ZFAND3: variants seen among roughly 807,000 people sequenced by gnomAD.
The protein encoded by ZFAND3 is AN1-type zinc finger protein 3.
Under a neutral mutation model 29.6 loss-of-function variants are expected in ZFAND3, and 10 were observed. That is an observed-to-expected ratio of 0.34 (90% CI 0.21 to 0.57). The LOEUF (loss-of-function observed/expected upper bound fraction) is 0.57. Among genes scored for constraint, ZFAND3 ranks in the 20% least tolerant of loss-of-function variants. The pLI is 0.86. For synonymous variants in ZFAND3, 128 were observed against 112.6 expected (o/e 1.14, Z -0.87); for missense variants, 230 against 304.5 (o/e 0.76, Z 1.82).
At chr6:37,852,891 T>C (rs1764309086) in intron 1 of ZFAND3, among the ~76,000 whole-genome samples, 2 of 152,002 alleles carry the variant, frequency 1.3e-5, no homozygotes, top group Admixed American at 1.3e-4. Flanking sequence ...TTTATGTATA[T>C]TTCTTAAATT....
rs946794183 is a variant in ZFAND3 at position 37,873,061 on chromosome 6, A to G, written c.71+53045A>G. 3.9e-5 allele frequency among the ~76,000 whole-genome samples: 6 copies of G among 152,302 alleles called. No homozygotes were observed. The Middle Eastern group carries it at 0.01, about 259-fold the overall frequency. ...ATCACGAGGTCAGGAGATCGAGACC[A>G]TCTTGGCTAACACGGTGAAACACCT... On this transcript the variant is annotated intron_variant, in intron 1 of 5. Coordinates refer to ENST00000287218, the MANE Select transcript of ZFAND3 (RefSeq NM_021943.3).
At chr6:38,051,680 G>T (rs750526401) in intron 2 of ZFAND3, among the ~76,000 whole-genome samples, 6 of 152,096 alleles carry the variant, frequency 3.9e-5, no homozygotes, top group Non-Finnish European at 4.4e-5. Context: ...TAATTTTGAT[G>T]GCTGAACTGT....
At chr6:38,041,919 C>T (rs1763796971) in intron 2 of ZFAND3, among the ~76,000 whole-genome samples, 1 of 148,916 alleles carries the variant, frequency 6.7e-6, no homozygotes, top group African/African-American at 2.5e-5. Flanking sequence ...TCACCGCAGC[C>T]TCTGCCTCCC....
chr6:37,829,537 A>AAAATG (rs1370402910), intron 1 of ZFAND3, among the ~76,000 whole-genome samples: 2 of 152,250 alleles, frequency 1.3e-5, no homozygotes, highest in East Asian at 3.8e-4. Context: ...TCCGGCTCGA[A>AAAATG]AAATGAAATG....
intron 2 of ZFAND3, among the ~76,000 whole-genome samples, chr6:37,952,695 C>G (rs1350083020): frequency 6.6e-6 from 1 of 152,030 alleles, no homozygotes; most frequent in African/African-American, 2.4e-5. Context: ...GATTCTAGGT[C>G]CATAGTGAGA....
chr6:38,098,504 CT>C (rs199755000), intron 4 of ZFAND3, among the ~76,000 whole-genome samples: 16,151 of 143,554 alleles, frequency 0.11, 990 homozygotes, highest in East Asian at 0.29. Flanking sequence ...TATTGCCCAT[CT>C]TTTTTTTTTT....
intron 4 of ZFAND3, among the ~76,000 whole-genome samples, chr6:38,095,863 G>A (rs768251590): frequency 4.0e-5 from 6 of 151,792 alleles, no homozygotes; most frequent in Non-Finnish European, 5.9e-5. Flanking sequence ...GAGGCTTTGT[G>A]TCTACAATCA....
chr6:38,125,104 GGTAAC>G (rs1765610838), intron 5 of ZFAND3, among the ~76,000 whole-genome samples: 1 of 152,088 alleles, frequency 6.6e-6, no homozygotes, highest in Non-Finnish European at 1.5e-5. Context: ...GAGAGCTAAG[GGTAAC>G]TAGAAATCTT....
At chr6:38,057,442 GC>G (rs992664434) in intron 2 of ZFAND3, among the ~76,000 whole-genome samples, 1 of 152,238 alleles carries the variant, frequency 6.6e-6, no homozygotes, top group Admixed American at 6.5e-5. Flanking sequence ...CTTACTTAGT[GC>G]CCCTTTCTTT....
chr6:38,079,697 G>A (rs1764623453), intron 3 of ZFAND3, among the ~76,000 whole-genome samples: 1 of 152,164 alleles, frequency 6.6e-6, no homozygotes, highest in South Asian at 2.1e-4. Flanking sequence ...AGCTCATGGT[G>A]TTATGGGAAC....
intron 1 of ZFAND3, among the ~76,000 whole-genome samples, chr6:37,921,169 CA>C (rs1417550713): frequency 1.3e-5 from 2 of 152,076 alleles, no homozygotes; most frequent in African/African-American, 4.8e-5. Flanking sequence ...AGGTTGAATT[CA>C]GAAATGTGAC....
At chr6:37,864,410 A>G (rs886913629) in intron 1 of ZFAND3, among the ~76,000 whole-genome samples, 1 of 152,122 alleles carries the variant, frequency 6.6e-6, no homozygotes, top group African/African-American at 2.4e-5. Context: ...TGTGTAGACA[A>G]TTTCCCTTTA....
At chr6:38,004,446 C>T (rs954913670) in intron 2 of ZFAND3, among the ~76,000 whole-genome samples, 12 of 148,968 alleles carry the variant, frequency 8.1e-5, no homozygotes, top group African/African-American at 2.5e-5. Flanking sequence ...CCCTTCCCCT[C>T]TCCCCCTTCC....
intron 3 of ZFAND3, among the ~76,000 whole-genome samples, chr6:38,072,547 C>A (rs1405326164): frequency 6.6e-6 from 1 of 152,098 alleles, no homozygotes; most frequent in African/African-American, 2.4e-5. Flanking sequence ...TTAGCTCTTG[C>A]ACTCGTCATA....
intron 2 of ZFAND3, among the ~76,000 whole-genome samples, chr6:37,989,526 C>T (rs1019163438): frequency 6.6e-6 from 1 of 152,128 alleles, no homozygotes; most frequent in African/African-American, 2.4e-5. Context: ...ACCTTCATGA[C>T]CTAAATAGCC....
intron 1 of ZFAND3, among the ~76,000 whole-genome samples, chr6:37,841,673 C>T (rs576309399): frequency 6.6e-5 from 10 of 152,096 alleles, no homozygotes; most frequent in East Asian, 3.9e-4. Context: ...TTATTAGAGA[C>T]GGGGTTTCAC....
At chr6:38,118,173 C>T (rs1765458244) in intron 5 of ZFAND3, among the ~76,000 whole-genome samples, 1 of 152,142 alleles carries the variant, frequency 6.6e-6, no homozygotes, top group Admixed American at 6.5e-5. Flanking sequence ...CGCAGTATGG[C>T]CCAGGTAAGT....
chr6:37,977,325 T>C (rs1561953562), intron 2 of ZFAND3, among the ~76,000 whole-genome samples: 3 of 152,152 alleles, frequency 2.0e-5, no homozygotes, highest in African/African-American at 7.2e-5. Context: ...TTTTTGAGAC[T>C]GAGTCTCGCT....
At chr6:37,908,743 GAAAA>G (rs202057469) in intron 1 of ZFAND3, among the ~76,000 whole-genome samples, 4 of 97,270 alleles carry the variant, frequency 4.1e-5, no homozygotes, top group Admixed American at 1.1e-4. Flanking sequence ...AATTTTCAAA[GAAAA>G]AAAAAAAAAA....
Sources: gnomAD v4.1 joint callset for allele counts (sites outside exome capture counted in the v4.1 genomes callset) on GRCh38, gnomAD v4.1.1 for gene constraint, MANE v1.5 for transcripts, NCBI Gene and HGNC (gene_info 2026-07-23, HGNC 2026-07-21) for gene names.